Variants in CNKSR3 observed in about 807,000 individuals in gnomAD.
CNKSR3 encodes the protein connector enhancer of kinase suppressor of ras 3.
A neutral mutation model predicts 67.7 loss-of-function variants in CNKSR3; 36 were observed. The observed-to-expected ratio is 0.53, with a 90% CI of 0.41 to 0.70. The LOEUF (loss-of-function observed/expected upper bound fraction) is 0.70, where lower values mean the gene tolerates loss of function less well. CNKSR3 is among the 30% of genes least tolerant of loss of function. The pLI, the probability that CNKSR3 is intolerant of heterozygous loss-of-function variation, is 0.00. For missense variants in CNKSR3, 630 were observed against 695.2 expected, an observed-to-expected ratio of 0.91 and a Z score of 1.05; for synonymous variants, 281 against 271.4, an observed-to-expected ratio of 1.04 and a Z score of -0.35.
chr6:154,476,294 T>C (rs1786447971), intron 1 of CNKSR3, among the ~76,000 whole-genome samples: 1 of 151,914 alleles, frequency 6.6e-6, no homozygotes, highest in South Asian at 2.1e-4. Context: ...CTGTCTCTAC[T>C]AAAAACACAA....
At position 154,392,159 on chromosome 6, in the gene CNKSR3, G is replaced by T. The variant is rs866638189; in HGVS notation, c.*14195C>A. Reference sequence around the variant, plus strand: ...TGGGAGGTGGAGGTTGCAGTGAGCCGAGATGGAGCCACTGCACTCCAGCCT... The same window carrying T: ...TGGGAGGTGGAGGTTGCAGTGAGCCTAGATGGAGCCACTGCACTCCAGCCT... On this transcript the variant is annotated 3_prime_UTR_variant, in exon 13 of 13. Coordinates refer to ENST00000607772, the MANE Select transcript of CNKSR3 (RefSeq NM_173515.4). The T allele has an allele frequency of 1.3e-5, 2 of 151,400 alleles. No homozygotes were observed. The highest frequency in any genetic ancestry group is 3.4e-3 in the Middle Eastern group (1 of 294). The allele number at this position is 151,400 out of a possible 1,614,324, so 9.4% of individuals were successfully genotyped here. A position where few individuals can be genotyped will look rare whatever the true frequency, so the allele number is the denominator to read the frequency against.
chr6:154,411,295 C>A (rs1309500411), intron 10 of CNKSR3, among the ~76,000 whole-genome samples, 153 bp from the exon 11 acceptor site: 1 of 152,206 alleles, frequency 6.6e-6, no homozygotes, highest in Non-Finnish European at 1.5e-5. Context: ...ACCCCAGTTG[C>A]CGCTCAAATA....
At chr6:154,509,211 A>T (rs1787162169) in intron 1 of CNKSR3, among the ~76,000 whole-genome samples, 1 of 152,004 alleles carries the variant, frequency 6.6e-6, no homozygotes, top group Non-Finnish European at 1.5e-5. Flanking sequence ...GGGTTGAGTA[A>T]ACTCTAGTAC....
chr6:154,441,148 A>C, intron 4 of CNKSR3, 144 bp downstream of exon 4: 1 of 548,754 alleles, frequency 1.8e-6, no homozygotes, highest in Non-Finnish European at 3.2e-6. Context: ...AAAGCCTTTC[A>C]TCTCTTCCCA....
In CNKSR3 at chr6:154,387,870, T is replaced by C. The variant is rs1050933830; in HGVS notation, c.*18484A>G. ...ATAACATTGGTCCAGAACTAATAAA[T>C]GAATTTTTACAAGAGCTCTCTCTCC... On this transcript the variant is annotated 3_prime_UTR_variant, in exon 13 of 13. Coordinates refer to ENST00000607772, the MANE Select transcript of CNKSR3 (RefSeq NM_173515.4). The C allele has an allele frequency of 6.6e-6, 1 of 152,230 alleles. No homozygotes were observed. Among genetic ancestry groups the C allele is most frequent in the Admixed American group, 6.5e-5 (1 of 15,274 alleles). The allele number at this position is 152,230 out of a possible 1,614,324, so 9.4% of individuals were successfully genotyped here. A position where few individuals can be genotyped will look rare whatever the true frequency, so the allele number is the denominator to read the frequency against.
intron 4 of CNKSR3, among the ~76,000 whole-genome samples, chr6:154,440,200 C>T (rs1479716403): frequency 6.6e-6 from 1 of 152,182 alleles, no homozygotes; most frequent in Non-Finnish European, 1.5e-5. Flanking sequence ...CAAACAACTG[C>T]CACGTGCAGA....
At chr6:154,497,397 G>A (rs59708028) in intron 1 of CNKSR3, among the ~76,000 whole-genome samples, 11,788 of 151,884 alleles carry the variant, frequency 0.078, 523 homozygotes, top group African/African-American at 0.13. Context: ...TCTCAAAAAC[G>A]AGAGAAAGAG....
In CNKSR3 at chr6:154,387,738, C is replaced by G. The variant is rs1039089736; in HGVS notation, c.*18616G>C. 5 of 152,242 alleles carry G rather than the reference C, an allele frequency of 3.3e-5. No individual in the cohort carries two copies. Among genetic ancestry groups the G allele is most frequent in the African/African-American group, 1.2e-4 (5 of 41,564 alleles). The allele number at this position is 152,242 out of a possible 1,614,324, so 9.4% of individuals were successfully genotyped here. A position where few individuals can be genotyped will look rare whatever the true frequency, so the allele number is the denominator to read the frequency against. ...TCAAGCTTTGGAAATTAGAAACAAACATATTCAATGCTTTTTGAAAAATCA... is the reference window on the plus strand; with the variant it reads ...TCAAGCTTTGGAAATTAGAAACAAAGATATTCAATGCTTTTTGAAAAATCA... On this transcript the variant is annotated 3_prime_UTR_variant, in exon 13 of 13. Transcript: ENST00000607772.
At chr6:154,420,661 C>T (rs181652393) in intron 9 of CNKSR3, among the ~76,000 whole-genome samples, 1,756 of 133,526 alleles carry the variant, frequency 0.013, 42 homozygotes, top group African/African-American at 0.047. Context: ...TGCACTCCAG[C>T]CTGGGCGACA....
intron 1 of CNKSR3, among the ~76,000 whole-genome samples, chr6:154,466,352 TTG>T (rs1786198430): frequency 6.6e-6 from 1 of 152,174 alleles, no homozygotes; most frequent in African/African-American, 2.4e-5. Context: ...ATGTACGGAC[TTG>T]TGTTTCACCA....
intron 1 of CNKSR3, among the ~76,000 whole-genome samples, chr6:154,474,475 T>A (rs1786401749): frequency 1.3e-5 from 2 of 151,486 alleles, no homozygotes; most frequent in Non-Finnish European, 2.9e-5. Flanking sequence ...CACATCAATA[T>A]TAGCTATTAT....
rs763815388 is a variant in CNKSR3 at position 154,392,305 on chromosome 6, G to C, written c.*14049C>G. 2 of 152,048 alleles carry C rather than the reference G, an allele frequency of 1.3e-5. No homozygotes were observed. The highest frequency in any genetic ancestry group is 2.9e-5 in the Non-Finnish European group (2 of 68,028). 9.4% of individuals were successfully genotyped at this position (152,048 alleles called of 1,614,324 possible). ...AAAATCCATCTCTTTGATATGAATAGCTGTAATTTATTCATTTTTACTTGC... is the reference window on the plus strand; with the variant it reads ...AAAATCCATCTCTTTGATATGAATACCTGTAATTTATTCATTTTTACTTGC... On this transcript the variant is annotated 3_prime_UTR_variant, in exon 13 of 13. Transcript: ENST00000607772.
At chr6:154,484,848 G>A (rs763457537) in intron 1 of CNKSR3, among the ~76,000 whole-genome samples, 6 of 152,114 alleles carry the variant, frequency 3.9e-5, no homozygotes, top group Non-Finnish European at 8.8e-5. Context: ...TTCTTTGAGA[G>A]TTTAACCAGC....
intron 1 of CNKSR3, among the ~76,000 whole-genome samples, chr6:154,498,578 C>T (rs1239750507): frequency 6.6e-6 from 1 of 152,204 alleles, no homozygotes; most frequent in East Asian, 1.9e-4. Context: ...CTGACATTGC[C>T]TCCTGGCCCC....
intron 1 of CNKSR3, among the ~76,000 whole-genome samples, chr6:154,491,359 G>T (rs185823733): frequency 6.6e-6 from 1 of 152,290 alleles, no homozygotes. Flanking sequence ...CAAACGGTAG[G>T]TACTCAATAA....
Position 154,399,858 on chromosome 6 carries a change from C to T in CNKSR3, c.*6496G>A, listed in dbSNP as rs529974679. The T allele has an allele frequency of 3.3e-5, 5 of 152,242 alleles. No individual in the cohort carries two copies. The highest frequency in any genetic ancestry group is 1.2e-4 in the African/African-American group (5 of 41,548). The allele number at this position is 152,242 out of a possible 1,614,324, so 9.4% of individuals were successfully genotyped here. ...AAGAAATATCTTAAAATCCAGTTTTCACCCCTCTAACAATAAAGTTAAATC... is the reference window on the plus strand; with the variant it reads ...AAGAAATATCTTAAAATCCAGTTTTTACCCCTCTAACAATAAAGTTAAATC... On this transcript the variant is annotated 3_prime_UTR_variant, in exon 13 of 13. Transcript: ENST00000607772.
intron 1 of CNKSR3, among the ~76,000 whole-genome samples, chr6:154,461,192 GA>G (rs1302119443): frequency 6.6e-6 from 1 of 152,146 alleles, no homozygotes; most frequent in African/African-American, 2.4e-5. Flanking sequence ...TATTGGTAAG[GA>G]AAGCAAATCC....
chr6:154,416,004 G>C lies in CNKSR3; in HGVS notation c.946-1581C>G, dbSNP rs1021653572. ...ATAAAAAGGTACCCTTAGGCCCAGCGTGTGGGCACACACCTGTAATAATCC... is the reference window on the plus strand; with the variant it reads ...ATAAAAAGGTACCCTTAGGCCCAGCCTGTGGGCACACACCTGTAATAATCC... On this transcript the variant is annotated intron_variant, in intron 9 of 12. Transcript: ENST00000607772. Among the ~76,000 whole-genome samples the C allele has an allele frequency of 1.1e-4, 17 of 152,308 alleles. 3 individuals carry two copies. Among genetic ancestry groups the C allele is most frequent in the Admixed American group, 2.6e-4 (4 of 15,304 alleles).
intron 1 of CNKSR3, among the ~76,000 whole-genome samples, chr6:154,452,363 G>A (rs755351833): frequency 2.0e-5 from 3 of 152,198 alleles, no homozygotes; most frequent in Non-Finnish European, 2.9e-5. Context: ...CAACAAGACA[G>A]TTATTAAAAT....
Sources: allele counts gnomAD v4.1 joint callset (sites outside exome capture counted in the v4.1 genomes callset), GRCh38; gene constraint gnomAD v4.1.1; transcripts MANE v1.5; gene names NCBI Gene and HGNC (gene_info 2026-07-23, HGNC 2026-07-21).